ZBTB7C: variants seen among roughly 807,000 people sequenced by gnomAD.
The protein encoded by ZBTB7C is zinc finger and BTB domain-containing protein 7C.
Under a neutral mutation model 25.7 loss-of-function variants are expected in ZBTB7C, and 8 were observed. That is an observed-to-expected ratio of 0.31 (90% confidence interval 0.18 to 0.56). ZBTB7C has a LOEUF of 0.56. Among genes scored for constraint, ZBTB7C ranks in the 20% least tolerant of loss-of-function variants. The pLI, the probability that ZBTB7C is intolerant of heterozygous loss-of-function variation, is 0.91. For synonymous variants in ZBTB7C, 394 were observed against 369.0 expected (o/e 1.07, Z -0.78); for missense variants, 824 against 855.2 (o/e 0.96, Z 0.46).
At chr18:48,346,082 G>A (rs529977536) in intron 1 of ZBTB7C, among the ~76,000 whole-genome samples, 1 of 152,240 alleles carries the variant, frequency 6.6e-6, no homozygotes, top group Non-Finnish European at 1.5e-5. Context: ...TAAACCTACT[G>A]CATAAAGTAT....
At position 48,157,224 on chromosome 18, in the gene ZBTB7C, A is replaced by G. The variant is rs188061033; in HGVS notation, c.-17+28710T>C. On this transcript the variant is annotated intron_variant, in intron 3 of 4. Coordinates refer to ENST00000590800, the MANE Select transcript of ZBTB7C (RefSeq NM_001318841.2). ...AAGCATTAACAGCAAGAAGAATCAT[A>G]TAAATAACATAGCAATATAAATAGC... 3.3e-5 allele frequency among the ~76,000 whole-genome samples: 5 copies of G among 152,360 alleles called. No homozygotes were observed. The East Asian group carries it at 9.6e-4, about 29-fold the overall frequency.
intron 1 of ZBTB7C, chr18:48,375,657 T>A (rs1041104701): frequency 1.3e-5 from 2 of 152,234 alleles, no homozygotes; most frequent in African/African-American, 4.8e-5. Flanking sequence ...TGGGTTGAAA[T>A]GCTGTCCTGT....
intron 2 of ZBTB7C, among the ~76,000 whole-genome samples, chr18:48,334,108 G>A (rs1405904871): frequency 6.6e-6 from 1 of 152,124 alleles, no homozygotes; most frequent in Non-Finnish European, 1.5e-5. Flanking sequence ...GACTTACTTA[G>A]ATCCATGGCA....
chr18:48,405,372 G>C (rs1023224515), intron 1 of ZBTB7C, among the ~76,000 whole-genome samples: 5 of 152,076 alleles, frequency 3.3e-5, no homozygotes, highest in African/African-American at 1.2e-4. Flanking sequence ...GAGTCAGAGG[G>C]AACCACATCT....
At chr18:48,284,214 G>C (rs1039983109) in intron 2 of ZBTB7C, among the ~76,000 whole-genome samples, 1 of 152,236 alleles carries the variant, frequency 6.6e-6, no homozygotes, top group Non-Finnish European at 1.5e-5. Flanking sequence ...CAGCACTCTG[G>C]GAGGCCAAGG....
chr18:48,191,539 G>A (rs772800991), intron 2 of ZBTB7C, among the ~76,000 whole-genome samples: 30 of 152,244 alleles, frequency 2.0e-4, no homozygotes, highest in Non-Finnish European at 3.4e-4. Flanking sequence ...CCATGGTGGC[G>A]GGTGGAGGAC....
intron 3 of ZBTB7C, among the ~76,000 whole-genome samples, chr18:48,106,405 C>T (rs2144639877): frequency 6.6e-6 from 1 of 151,168 alleles, no homozygotes; most frequent in South Asian, 2.1e-4. Context: ...TGTATACAGG[C>T]TAGGGGCAGC....
At chr18:48,383,492 C>T (rs1220799489) in intron 1 of ZBTB7C, among the ~76,000 whole-genome samples, 2 of 152,094 alleles carry the variant, frequency 1.3e-5, no homozygotes, top group African/African-American at 4.8e-5. Flanking sequence ...TCTCGAACTC[C>T]TGAGTTCAAG....
chr18:48,300,385 T>C (rs1221602304), intron 2 of ZBTB7C, among the ~76,000 whole-genome samples: 1 of 152,150 alleles, frequency 6.6e-6, no homozygotes, highest in Non-Finnish European at 1.5e-5. Context: ...AGGGAGTTTG[T>C]AGCCTCTGGA....
intron 3 of ZBTB7C, among the ~76,000 whole-genome samples, chr18:48,115,763 C>G (rs997821609): frequency 7.2e-5 from 11 of 152,046 alleles, no homozygotes; most frequent in African/African-American, 2.7e-4. Flanking sequence ...ATTGCTGGGT[C>G]ACATGGCAAT....
At chr18:48,065,940 C>G (rs2037312632) in intron 3 of ZBTB7C, among the ~76,000 whole-genome samples, 1 of 152,200 alleles carries the variant, frequency 6.6e-6, no homozygotes, top group Non-Finnish European at 1.5e-5. Flanking sequence ...GACTTGCCAG[C>G]TCTGCCCTCT....
chr18:48,080,330 G>A (rs2037933185), intron 3 of ZBTB7C, among the ~76,000 whole-genome samples: 2 of 152,134 alleles, frequency 1.3e-5, no homozygotes, highest in African/African-American at 2.4e-5. Flanking sequence ...CAAGCGACAC[G>A]GCATTTGGGT....
chr18:48,215,094 A>G (rs1201486180), intron 2 of ZBTB7C, among the ~76,000 whole-genome samples: 1 of 152,246 alleles, frequency 6.6e-6, no homozygotes, highest in African/African-American at 2.4e-5. Flanking sequence ...GATTAATGAT[A>G]AATCTCCTCC....
chr18:48,090,493 C>T (rs1322212319), intron 3 of ZBTB7C, among the ~76,000 whole-genome samples: 1 of 152,212 alleles, frequency 6.6e-6, no homozygotes, highest in Admixed American at 6.5e-5. Context: ...CAAACCAAGT[C>T]CTCCGTCAGC....
intron 2 of ZBTB7C, among the ~76,000 whole-genome samples, chr18:48,226,131 A>T (rs570083691): frequency 2.2e-3 from 328 of 152,322 alleles, no homozygotes; most frequent in African/African-American, 7.5e-3. Flanking sequence ...CATGAGAGCA[A>T]ACCCAACCAA....
At chr18:48,115,568 A>G (rs544790485) in intron 3 of ZBTB7C, among the ~76,000 whole-genome samples, 1 of 151,012 alleles carries the variant, frequency 6.6e-6, no homozygotes, top group Admixed American at 6.6e-5. Context: ...CACACACACA[A>G]ACACACACAC....
intron 3 of ZBTB7C, among the ~76,000 whole-genome samples, chr18:48,052,945 A>G (rs1452385709): frequency 6.6e-6 from 1 of 152,062 alleles, no homozygotes. Flanking sequence ...GTTTCCTGTG[A>G]CCTTGACTTT....
chr18:48,315,305 C>T (rs1209570783), intron 2 of ZBTB7C, among the ~76,000 whole-genome samples: 1 of 152,082 alleles, frequency 6.6e-6, no homozygotes. Flanking sequence ...TTTGAAAATT[C>T]AAAACCCCAA....
intron 2 of ZBTB7C, among the ~76,000 whole-genome samples, chr18:48,324,179 A>G (rs979647085): frequency 3.3e-5 from 5 of 152,152 alleles, no homozygotes; most frequent in African/African-American, 1.2e-4. Context: ...TATTGTTACC[A>G]CAGCCCAAAT....
Sources: gnomAD v4.1 joint callset for allele counts (sites outside exome capture counted in the v4.1 genomes callset) on GRCh38, gnomAD v4.1.1 for gene constraint, MANE v1.5 for transcripts, NCBI Gene and HGNC (gene_info 2026-07-23, HGNC 2026-07-21) for gene names.